Variants in SHANK2 observed in about 807,000 individuals in gnomAD.
SHANK2 encodes SH3 and multiple ankyrin repeat domains 2.
Under a neutral mutation model 133.7 loss-of-function variants are expected in SHANK2, and 43 were observed. The observed-to-expected ratio is 0.32, with a 90% CI of 0.25 to 0.41. The LOEUF (loss-of-function observed/expected upper bound fraction) is 0.41. Among genes scored for constraint, SHANK2 ranks in the 10% least tolerant of loss-of-function variants. SHANK2 has a pLI of 1.00. For synonymous variants in SHANK2, 1,017 were observed against 952.8 expected (o/e 1.07, Z -1.24); for missense variants, 1,994 against 2,235.8 (o/e 0.89, Z 2.18).
At chr11:71,094,798 C>CT (rs1951578507) in intron 6 of SHANK2, 110 bp from the exon 7 acceptor site, 1 of 1,219,006 alleles carries the variant, frequency 8.2e-7, no homozygotes, top group African/African-American at 1.5e-5. Flanking sequence ...CCTCCTCCAC[C>CT]TCCAGGGTGT....
At chr11:71,224,336 C>T (rs1464290807) in intron 2 of SHANK2, among the ~76,000 whole-genome samples, 2 of 152,050 alleles carry the variant, frequency 1.3e-5, no homozygotes, top group Admixed American at 6.5e-5. Context: ...GTGGGCATCA[C>T]GAGGCGCACC....
chr11:70,910,268 C>T (rs1216725846), intron 10 of SHANK2, among the ~76,000 whole-genome samples: 3 of 152,180 alleles, frequency 2.0e-5, no homozygotes, highest in South Asian at 2.1e-4. Context: ...CACAAGAGTA[C>T]GCAGAATCTC....
chr11:70,698,571 C>T, intron 15 of SHANK2, 117 bp downstream of exon 15: 1 of 701,816 alleles, frequency 1.4e-6, no homozygotes, highest in Non-Finnish European at 2.6e-6. Context: ...CGGTAACAGG[C>T]ACAGGGAGGC....
At chr11:70,743,430 C>T (rs1033700077) in intron 14 of SHANK2, among the ~76,000 whole-genome samples, 1 of 152,198 alleles carries the variant, frequency 6.6e-6, no homozygotes, top group Admixed American at 6.5e-5. Context: ...ACAAAGGCTG[C>T]TGTCTGCAGA....
chr11:70,621,105 C>T (rs549043790), intron 17 of SHANK2, among the ~76,000 whole-genome samples: 1 of 152,286 alleles, frequency 6.6e-6, no homozygotes, highest in Non-Finnish European at 1.5e-5. Flanking sequence ...GGCACCAAGG[C>T]ACCGGGATCG....
rs531154175 is a variant in SHANK2, at chr11:70,670,957, G to A, written c.1854-9279C>T. On this transcript the variant is annotated intron_variant, in intron 15 of 25. Transcript: ENST00000601538. The stretch of plus-strand genomic sequence containing the variant: ...CGCACACCCGTGCCCAGAGACGTGC[G>A]CTGGCGGAAGCCATTTCTCAAATCG... Among the ~76,000 whole-genome samples, 15 of 152,328 alleles carry A rather than the reference G, an allele frequency of 9.8e-5. No individual in the cohort carries two copies. In the South Asian group the frequency reaches 2.5e-3, roughly 25 times the overall value.
intron 21 of SHANK2, among the ~76,000 whole-genome samples, chr11:70,499,613 G>T (rs2059021290): frequency 1.3e-5 from 2 of 152,224 alleles, no homozygotes; most frequent in African/African-American, 4.8e-5. Context: ...GGATTGAAGG[G>T]GTGTTCACAC....
At position 70,821,581 on chromosome 11, in the gene SHANK2, A is replaced by T. The variant is rs1948523882; in HGVS notation, c.1175-899T>A. ...GCTGGGATTACAGGTGCCCGCCACC[A>T]CGCCTGCTAATTTTTGTATTTTTAG... On this transcript the variant is annotated intron_variant, in intron 11 of 25. Transcript: ENST00000601538. Among the ~76,000 whole-genome samples the T allele has an allele frequency of 2.0e-5, 3 of 152,024 alleles. No homozygotes were observed. In the South Asian group the frequency reaches 6.2e-4, roughly 32 times the overall value.
intron 12 of SHANK2, among the ~76,000 whole-genome samples, chr11:70,819,613 G>C (rs782663954): frequency 6.6e-6 from 1 of 152,198 alleles, no homozygotes; most frequent in African/African-American, 2.4e-5. Flanking sequence ...GTTGGACGCC[G>C]AATGGGGTGC....
chr11:70,941,403 A>G (rs1430872296), intron 10 of SHANK2, among the ~76,000 whole-genome samples: 2 of 152,240 alleles, frequency 1.3e-5, no homozygotes, highest in East Asian at 3.8e-4. Context: ...CAGAAGCATT[A>G]CGGTAAACTG....
chr11:70,739,093 A>G lies in SHANK2; in HGVS notation c.1778-40330T>C, dbSNP rs1005038874. On this transcript the variant is annotated intron_variant, in intron 14 of 25. Coordinates refer to ENST00000601538, the MANE Select transcript of SHANK2 (RefSeq NM_012309.5). The surrounding 1 kb of genome is among the most constrained non-coding windows in gnomAD (Gnocchi z 4.3). Reference sequence around the variant, plus strand: ...CACCATCTGGCCCCATTGTCTGGGGACAGGACACACTCCACTTTATCTCCT... The same window carrying G: ...CACCATCTGGCCCCATTGTCTGGGGGCAGGACACACTCCACTTTATCTCCT... Among the ~76,000 whole-genome samples the G allele has an allele frequency of 3.3e-5, 5 of 152,166 alleles. No homozygotes were observed. Among genetic ancestry groups the G allele is most frequent in the Admixed American group, 3.3e-4 (5 of 15,286 alleles).
chr11:71,232,376 G>A (rs960657460), intron 1 of SHANK2, among the ~76,000 whole-genome samples: 1 of 152,136 alleles, frequency 6.6e-6, no homozygotes, highest in Non-Finnish European at 1.5e-5. Context: ...GGTAAACTGG[G>A]TATATCTCTG....
chr11:70,761,804 C>T (rs1555040301), intron 14 of SHANK2, among the ~76,000 whole-genome samples: 1 of 152,262 alleles, frequency 6.6e-6, no homozygotes, highest in African/African-American at 2.4e-5. Flanking sequence ...CCCTTGACCT[C>T]AGCCATCCTT....
chr11:70,668,379 G>A (rs1020766783), intron 15 of SHANK2: 31 of 153,036 alleles, frequency 2.0e-4, no homozygotes, highest in African/African-American at 7.0e-4. Flanking sequence ...CTGGAGTGAT[G>A]TGGAGGCTGG....
intron 2 of SHANK2, among the ~76,000 whole-genome samples, chr11:71,149,735 GAGGA>G (rs1555107501): frequency 6.9e-6 from 1 of 143,922 alleles, no homozygotes; most frequent in African/African-American, 2.7e-5. Flanking sequence ...ACGCAAGAGG[GAGGA>G]AGGAAGGGAG....
intron 1 of SHANK2, among the ~76,000 whole-genome samples, chr11:71,251,492 C>CGCCCGGG (rs1555125842): frequency 1.3e-5 from 2 of 151,858 alleles, no homozygotes; most frequent in Non-Finnish European, 2.9e-5. Context: ...CCGCGCCTGG[C>CGCCCGGG]GCCCGGGGCC....
intron 14 of SHANK2, among the ~76,000 whole-genome samples, chr11:70,712,229 C>T (rs1447569191): frequency 6.6e-6 from 1 of 152,202 alleles, no homozygotes; most frequent in Non-Finnish European, 1.5e-5. Flanking sequence ...ATCCCTCTGA[C>T]TCTCAGCCCT....
intron 9 of SHANK2, among the ~76,000 whole-genome samples, chr11:71,069,975 A>G (rs1951121848): frequency 6.6e-6 from 1 of 152,230 alleles, no homozygotes. Context: ...AATGAACCAC[A>G]TGCCTCATAC....
At chr11:70,522,231 T>G (rs1554971151) in intron 17 of SHANK2, among the ~76,000 whole-genome samples, 1 of 152,252 alleles carries the variant, frequency 6.6e-6, no homozygotes, top group African/African-American at 2.4e-5. Flanking sequence ...CTGTCCTTGT[T>G]GGTCTCTGCC....
Sources: gnomAD v4.1 joint callset for allele counts (sites outside exome capture counted in the v4.1 genomes callset) on GRCh38, gnomAD v4.1.1 for gene constraint, Gnocchi (gnomAD v3.1) non-coding constraint, MANE v1.5 for transcripts, NCBI Gene and HGNC (gene_info 2026-07-23, HGNC 2026-07-21) for gene names.